Variants in CXCR4 observed in about 807,000 individuals in gnomAD.
The protein encoded by CXCR4 is C-X-C motif chemokine receptor 4.
In CXCR4, 6 loss-of-function variants were observed where a neutral mutation model predicts 22.4. The ratio of observed to expected loss-of-function variants is 0.27; its 90% CI spans 0.15 to 0.53. The LOEUF is 0.53. Among genes scored for constraint, CXCR4 ranks in the 20% least tolerant of loss-of-function variants. The pLI is 0.96. For synonymous variants in CXCR4, 155 were observed against 171.7 expected (o/e 0.90, Z 0.76); for missense variants, 300 against 430.4 (o/e 0.70, Z 2.68).
rs1178881383 is a variant in CXCR4, at chr2:136,114,816, G to A, written c.*53C>T. The A allele has an allele frequency of 6.8e-7, 1 of 1,472,342 alleles. No individual in the cohort carries two copies. Among genetic ancestry groups the A allele is most frequent in the South Asian group, 1.2e-5 (1 of 82,584 alleles). The allele number at this position is 1,472,342 out of a possible 1,614,324, so 91.2% of individuals were successfully genotyped here. A position where few individuals can be genotyped will look rare whatever the true frequency, so the allele number is the denominator to read the frequency against. The stretch of plus-strand genomic sequence containing the variant: ...TCAGTCTTTTATATCTGAAAAATGT[G>A]TAACTTAAAAAAAAGTTATTTATCG... On this transcript the variant is annotated 3_prime_UTR_variant, in exon 2 of 2. Coordinates refer to ENST00000241393, the MANE Select transcript of CXCR4 (RefSeq NM_003467.3).
intron 1 of CXCR4, 172 bp downstream of exon 1, chr2:136,117,874 C>CA: frequency 7.2e-6 from 1 of 139,486 alleles, no homozygotes; most frequent in Non-Finnish European, 1.6e-5. Flanking sequence ...CCTGCTCCCC[C>CA]CCCACCCACC....
At chr2:136,117,856 A>C in intron 1 of CXCR4, 190 bp downstream of exon 1, 2 of 411,652 alleles carry the variant, frequency 4.9e-6, no homozygotes, top group East Asian at 5.0e-5. Context: ...AGAGAAAAAG[A>C]TTCCAATCCT....
At position 136,115,979 on chromosome 2, in the gene CXCR4, A is replaced by G; in HGVS notation, c.16-67T>C. On this transcript the variant is annotated intron_variant, in intron 1 of 1. Transcript: ENST00000241393. This position sits in a 1 kb window ranked among gnomAD's most constrained non-coding sequence, Gnocchi z 6.4. ...GCAAGCATTAACCCAGTTAAAAAAA[A>G]TTTTTAAAGCAATTTAAAAAACCAA... The G allele has an allele frequency of 2.5e-6, 4 of 1,611,838 alleles. No individual in the cohort carries two copies. The highest frequency in any genetic ancestry group is 1.3e-5 in the African/African-American group (1 of 74,968).
Position 136,115,964 on chromosome 2 carries a change from A to G in CXCR4, c.16-52T>C. 2 of 1,613,646 alleles carry G rather than the reference A, an allele frequency of 1.2e-6. No individual in the cohort carries two copies. Among genetic ancestry groups the G allele is most frequent in the African/African-American group, 1.3e-5 (1 of 75,010 alleles). ...TTCACTTCCAATTCAGCAAGCATTA[A>G]CCCAGTTAAAAAAAATTTTTAAAGC... On this transcript the variant is annotated intron_variant, in intron 1 of 1. Transcript: ENST00000241393. This position sits in a 1 kb window ranked among gnomAD's most constrained non-coding sequence, Gnocchi z 6.4.
rs779760942 is a variant in CXCR4, at chr2:136,115,181, G to A, written c.747C>T (p.Phe249=). Residue 249 remains phenylalanine (F), a synonymous_variant, in exon 2 of 2, where the codon TTC becomes TTT. Transcript: ENST00000241393. The surrounding 1 kb of genome is among the most constrained non-coding windows in gnomAD (Gnocchi z 6.4). ...CAATGTAGTAAGGCAGCCAACAGGC[G>A]AAGAAAGCCAGGATGAGGATGACTG... ...KTTVILILAF[F]ACWLPYYIGI... 8 of 1,614,094 alleles carry A rather than the reference G, an allele frequency of 5.0e-6. No homozygotes were observed. The highest frequency in any genetic ancestry group is 3.3e-5 in the Admixed American group (2 of 60,008).
intron 1 of CXCR4, among the ~76,000 whole-genome samples, chr2:136,117,280 T>G (rs577563030): frequency 6.6e-6 from 1 of 152,248 alleles, no homozygotes; most frequent in East Asian, 1.9e-4. Flanking sequence ...CGCTGACCTC[T>G]GCACGACCCC....
chr2:136,116,316 C>T, intron 1 of CXCR4: 2 of 913,860 alleles, frequency 2.2e-6, no homozygotes, highest in Non-Finnish European at 2.8e-6. Flanking sequence ...GGGGTGGGTG[C>T]TGCTAGGAGG....
At position 136,115,414 on chromosome 2, in the gene CXCR4, A is replaced by G; in HGVS notation, c.514T>C (p.Phe172Leu). The change falls in exon 2 of 2, where the codon TTC (phenylalanine) becomes CTC (leucine). Residue 172 changes from phenylalanine to leucine, a missense_variant. Coordinates refer to ENST00000241393, the MANE Select transcript of CXCR4 (RefSeq NM_003467.3). The surrounding 1 kb of genome is among the most constrained non-coding windows in gnomAD (Gnocchi z 6.4). ...GCCTCACTGACGTTGGCAAAGATGA[A>G]GTCGGGAATAGTCAGCAGGAGGGCA... is the stretch of plus-strand genomic sequence containing the variant. ...IPALLLTIPDFIFANVSEADD... is the reference protein window; with the variant it reads ...IPALLLTIPDLIFANVSEADD... The G allele has an allele frequency of 6.2e-7, 1 of 1,614,224 alleles. No homozygotes were observed. The highest frequency in any genetic ancestry group is 1.1e-5 in the South Asian group (1 of 91,090).
Position 136,115,244 on chromosome 2 carries a change from G to T in CXCR4, c.684C>A (p.His228Gln). The T allele has an allele frequency of 1.9e-6, 3 of 1,614,192 alleles. No individual in the cohort carries two copies. The highest frequency in any genetic ancestry group is 2.5e-6 in the Non-Finnish European group (3 of 1,180,038). Residue 228 changes from histidine to glutamine, a missense_variant, in exon 2 of 2, where the codon CAC (histidine) becomes CAA (glutamine). Physicochemically the swap from His to Gln is conservative, Grantham distance 24 (BLOSUM62 0). Coordinates refer to ENST00000241393, the MANE Select transcript of CXCR4 (RefSeq NM_003467.3). The surrounding 1 kb of genome is among the most constrained non-coding windows in gnomAD (Gnocchi z 6.4). ...CCTTGCGCTTCTGGTGGCCCTTGGA[G>T]TGTGACAGCTTGGAGATGATAATGC... ...CYCIIISKLS[H>Q]SKGHQKRKAL...
intron 1 of CXCR4, chr2:136,116,216 C>A: frequency 7.7e-7 from 1 of 1,300,632 alleles, no homozygotes; most frequent in South Asian, 1.6e-5. Flanking sequence ...AACTCCTCTG[C>A]CCCGCCCACT....
intron 1 of CXCR4, chr2:136,117,816 G>A (rs999188400): frequency 3.8e-6 from 2 of 529,238 alleles, no homozygotes; most frequent in Admixed American, 3.6e-5. Context: ...CCACTGGAAC[G>A]CTCTTTCCAG....
In CXCR4 at chr2:136,114,702, A is replaced by T; in HGVS notation, c.*167T>A. 6.4e-6 allele frequency: 4 copies of T among 628,368 alleles called. No individual in the cohort carries two copies. The highest frequency in any genetic ancestry group is 1.0e-5 in the Non-Finnish European group (4 of 385,922). 38.9% of individuals were successfully genotyped at this position (628,368 alleles called of 1,614,324 possible). A position where few individuals can be genotyped will look rare whatever the true frequency, so the allele number is the denominator to read the frequency against. ...CACACATCAATATGAAACAAAAAAAATTTATATAAATAAGTCAATTAAACT... is the reference window on the plus strand; with the variant it reads ...CACACATCAATATGAAACAAAAAAATTTTATATAAATAAGTCAATTAAACT... On this transcript the variant is annotated 3_prime_UTR_variant, in exon 2 of 2. Coordinates refer to ENST00000241393, the MANE Select transcript of CXCR4 (RefSeq NM_003467.3).
chr2:136,117,701 G>T (rs533757205), intron 1 of CXCR4: 2 of 229,398 alleles, frequency 8.7e-6, no homozygotes, highest in Admixed American at 5.9e-5. Flanking sequence ...GAGTCCCGAG[G>T]CAGCGCGCAC....
intron 1 of CXCR4, 97 bp from the exon 2 acceptor site, chr2:136,116,009 GGCTT>G (rs1573615077): frequency 6.3e-7 from 1 of 1,597,792 alleles, no homozygotes. Flanking sequence ...AACCAATTCA[GGCTT>G]GCTTTCTTCA....
At chr2:136,117,537 A>G (rs1684943273) in intron 1 of CXCR4, 1 of 159,138 alleles carries the variant, frequency 6.3e-6, no homozygotes, top group African/African-American at 2.4e-5. Flanking sequence ...ACCCAGTGTC[A>G]AGAACAGTCA....
In CXCR4 at chr2:136,114,902, A is replaced by G. The variant is rs2104915514; in HGVS notation, c.1026T>C (p.Thr342=). 1.9e-6 allele frequency: 3 copies of G among 1,611,224 alleles called. No individual in the cohort carries two copies. The highest frequency in any genetic ancestry group is 1.3e-5 in the African/African-American group (1 of 74,996). The part of the protein sequence containing the change: ...GKRGGHSSVS[T]ESESSSFHSS ...AGTGAAAACTTGAAGACTCAGACTC[A>G]GTGGAAACAGATGAATGTCCACCTC... is the stretch of plus-strand genomic sequence containing the variant. Residue 342 remains threonine, a synonymous_variant, in exon 2 of 2, where the codon ACT becomes ACC. Coordinates refer to ENST00000241393, the MANE Select transcript of CXCR4 (RefSeq NM_003467.3).
At chr2:136,117,878 A>ACCCCCCCCCC in intron 1 of CXCR4, 168 bp downstream of exon 1, 1 of 113,486 alleles carries the variant, frequency 8.8e-6, no homozygotes, top group Non-Finnish European at 1.8e-5. Flanking sequence ...CTCCCCCCCC[A>ACCCCCCCCCC]CCCACCCGCA....
In CXCR4 at chr2:136,118,043, T is replaced by A; in HGVS notation, c.15+3A>T. 6.2e-7 allele frequency: 1 copy of A among 1,613,818 alleles called. No individual in the cohort carries two copies. On this transcript the variant is annotated splice_donor_region_variant and intron_variant, in intron 1 of 1. Transcript: ENST00000241393. ...TGACAAAGCAGGTTGAAACTGGACT[T>A]ACACTGATCCCCTCCATGGTAACCG...
chr2:136,115,499 G>A lies in CXCR4; in HGVS notation c.429C>T (p.Asn143=), dbSNP rs1318462172. ...DRYLAIVHAT[N]SQRPRKLLAE... is the part of the protein sequence containing the mutation. ...CCAACAGCTTCCTTGGCCTCTGACT[G>A]TTGGTGGCGTGGACGATGGCCAGGT... is the stretch of plus-strand genomic sequence containing the variant. Residue 143 remains asparagine (N), a synonymous_variant, in exon 2 of 2, where the codon AAC becomes AAT. Coordinates refer to ENST00000241393, the MANE Select transcript of CXCR4 (RefSeq NM_003467.3). The surrounding 1 kb of genome is among the most constrained non-coding windows in gnomAD (Gnocchi z 6.4). 3.7e-6 allele frequency: 6 copies of A among 1,614,118 alleles called. No homozygotes were observed. In the African/African-American group the frequency reaches 6.7e-5, roughly 18 times the overall value.
Sources: gnomAD v4.1 joint callset for allele counts (sites outside exome capture counted in the v4.1 genomes callset) on GRCh38, gnomAD v4.1.1 for gene constraint, Gnocchi (gnomAD v3.1) non-coding constraint, MANE v1.5 for transcripts, NCBI Gene and HGNC (gene_info 2026-07-23, HGNC 2026-07-21) for gene names.